TMEM135: variants seen among roughly 807,000 people sequenced by gnomAD.
The protein encoded by TMEM135 is transmembrane protein 135.
TMEM135 carries 30 observed loss-of-function variants against 60.3 expected under a neutral mutation model. The ratio of observed to expected loss-of-function variants is 0.50; its 90% confidence interval spans 0.37 to 0.68. The LOEUF is 0.68. Ranked by LOEUF, TMEM135 falls within the 30% of genes least tolerant of loss-of-function variation. TMEM135 has a pLI of 0.00. For synonymous variants in TMEM135, 190 were observed against 186.7 expected (o/e 1.02, Z -0.14); for missense variants, 468 against 548.8 (o/e 0.85, Z 1.47).
chr11:87,158,909 T>G (rs1194415881), intron 5 of TMEM135, among the ~76,000 whole-genome samples: 1 of 152,204 alleles, frequency 6.6e-6, no homozygotes, highest in East Asian at 1.9e-4. Flanking sequence ...AATCTGCCTA[T>G]GATGTCTAAA....
chr11:87,038,640 G>C (rs79335798), intron 1 of TMEM135, among the ~76,000 whole-genome samples: 12,757 of 137,830 alleles, frequency 0.093, 658 homozygotes, highest in Non-Finnish European at 0.1. Context: ...AATGAAGAAG[G>C]CATATTTGGC....
chr11:87,210,443 C>T (rs761832157), intron 5 of TMEM135, among the ~76,000 whole-genome samples: 8 of 152,112 alleles, frequency 5.3e-5, no homozygotes, highest in Admixed American at 3.9e-4. Flanking sequence ...GGAAACACAA[C>T]GCCTCCCAAG....
intron 5 of TMEM135, among the ~76,000 whole-genome samples, chr11:87,191,531 A>G (rs1236266869): frequency 6.6e-6 from 1 of 152,014 alleles, no homozygotes; most frequent in African/African-American, 2.4e-5. Flanking sequence ...GTGAGCCACC[A>G]TTCTATTCAT....
intron 6 of TMEM135, among the ~76,000 whole-genome samples, chr11:87,239,863 G>A (rs1374512596): frequency 6.6e-6 from 1 of 151,876 alleles, no homozygotes; most frequent in Non-Finnish European, 1.5e-5. Context: ...ACACGTTTTT[G>A]ATATTGAAAA....
In TMEM135 at chr11:87,327,903, T is replaced by A; in HGVS notation, c.*6570T>A. 1 of 454,016 alleles carries A rather than the reference T, an allele frequency of 2.2e-6. No individual in the cohort carries two copies. The highest frequency in any genetic ancestry group is 4.4e-6 in the Non-Finnish European group (1 of 226,754). The allele number at this position is 454,016 out of a possible 1,614,324, so 28.1% of individuals were successfully genotyped here. A position where few individuals can be genotyped will look rare whatever the true frequency, so the allele number is the denominator to read the frequency against. On this transcript the variant is annotated 3_prime_UTR_variant, in exon 15 of 15. Transcript: ENST00000305494. ...AGAAGCCAATTCTCCTTTCTTCTGT[T>A]TTTATTCTACCCAGGCCTCCAGTGG...
At chr11:87,206,623 CACTT>C (rs1940240500) in intron 5 of TMEM135, among the ~76,000 whole-genome samples, 1 of 152,102 alleles carries the variant, frequency 6.6e-6, no homozygotes, top group African/African-American at 2.4e-5. Flanking sequence ...ACAACACAAA[CACTT>C]AATGTTAGTT....
rs1290084551 is a variant in TMEM135 at position 87,252,771 on chromosome 11, CAA to C, written c.509+16101_509+16102del. ...GGGCAACAAGAGCAGAACTAAATCT[CAA>C]AAAAAAAAAAAAATTAAAATATATA... On this transcript the variant is annotated intron_variant, in intron 6 of 14. Coordinates refer to ENST00000305494, the MANE Select transcript of TMEM135 (RefSeq NM_022918.4). 6.5e-4 allele frequency among the ~76,000 whole-genome samples: 64 copies of C among 98,284 alleles called. No individual in the cohort carries two copies. In the East Asian group the frequency reaches 0.011, roughly 17 times the overall value. 64.5% of individuals were successfully genotyped at this position (98,284 alleles called of 152,430 possible). A position where few individuals can be genotyped will look rare whatever the true frequency, so the allele number is the denominator to read the frequency against.
chr11:87,249,248 A>G (rs924146132), intron 6 of TMEM135, among the ~76,000 whole-genome samples: 2 of 152,130 alleles, frequency 1.3e-5, no homozygotes, highest in Non-Finnish European at 2.9e-5. Context: ...GACTGCTATT[A>G]TGTGGAAGTA....
chr11:87,127,344 A>G (rs1937762509), intron 4 of TMEM135, among the ~76,000 whole-genome samples: 1 of 152,196 alleles, frequency 6.6e-6, no homozygotes, highest in African/African-American at 2.4e-5. Context: ...CATGGGTGCC[A>G]GCCACACAGT....
chr11:87,110,023 C>CT (rs1857702767), intron 4 of TMEM135, among the ~76,000 whole-genome samples: 1 of 151,954 alleles, frequency 6.6e-6, no homozygotes, highest in African/African-American at 2.4e-5. Flanking sequence ...TACTGCCTGG[C>CT]TTTTTTATGT....
At chr11:87,108,368 T>C (rs963861259) in intron 4 of TMEM135, among the ~76,000 whole-genome samples, 3 of 152,148 alleles carry the variant, frequency 2.0e-5, no homozygotes, top group African/African-American at 7.2e-5. Context: ...ATTGCCTAGG[T>C]TTTCTTCTAG....
At chr11:87,203,779 AC>A (rs1247590095) in intron 5 of TMEM135, among the ~76,000 whole-genome samples, 1 of 152,206 alleles carries the variant, frequency 6.6e-6, no homozygotes, top group Admixed American at 6.5e-5. Context: ...GTAAGAAACC[AC>A]CAAACTGTCT....
intron 5 of TMEM135, among the ~76,000 whole-genome samples, chr11:87,200,864 G>A (rs1474317203): frequency 6.6e-6 from 1 of 152,086 alleles, no homozygotes; most frequent in Admixed American, 6.6e-5. Flanking sequence ...AGATGTAAAT[G>A]TATGGTATGT....
At chr11:87,040,073 T>C (rs1304576116) in intron 1 of TMEM135, among the ~76,000 whole-genome samples, 2 of 152,236 alleles carry the variant, frequency 1.3e-5, no homozygotes, top group Non-Finnish European at 2.9e-5. Flanking sequence ...ATCTGTGTAT[T>C]TGAAAATTTT....
intron 4 of TMEM135, among the ~76,000 whole-genome samples, chr11:87,128,979 A>G (rs532301664): frequency 1.3e-5 from 2 of 150,054 alleles, no homozygotes; most frequent in East Asian, 2.0e-4. Flanking sequence ...GCTGTTCCCT[A>G]TTTGGAAATT....
chr11:87,250,728 T>C (rs1941398225), intron 6 of TMEM135, among the ~76,000 whole-genome samples: 1 of 152,176 alleles, frequency 6.6e-6, no homozygotes, highest in African/African-American at 2.4e-5. Flanking sequence ...TGCTTAAAAA[T>C]ACATAAGAAC....
intron 1 of TMEM135, among the ~76,000 whole-genome samples, chr11:87,043,529 T>C (rs1048850824): frequency 2.6e-5 from 4 of 151,582 alleles, no homozygotes; most frequent in Non-Finnish European, 4.4e-5. Flanking sequence ...ATGGAGACCA[T>C]CCTGGCCAAC....
intron 8 of TMEM135, 132 bp from the exon 9 acceptor site, chr11:87,305,804 T>TAAATAAATAAATAAATAAATAAATAAAG: frequency 2.4e-6 from 1 of 412,398 alleles, no homozygotes; most frequent in Non-Finnish European, 4.3e-6. Flanking sequence ...AATAAATAAA[T>TAAATAAATAAATAAATAAATAAATAAAG]AAAGTGATGT....
chr11:87,311,024 CTTTA>C (rs1942632108), intron 10 of TMEM135, among the ~76,000 whole-genome samples: 1 of 150,960 alleles, frequency 6.6e-6, no homozygotes, highest in Non-Finnish European at 1.5e-5. Flanking sequence ...TTTATTCATA[CTTTA>C]TTTCTTTGAC....
Sources: gnomAD v4.1 joint callset for allele counts (sites outside exome capture counted in the v4.1 genomes callset) on GRCh38, gnomAD v4.1.1 for gene constraint, MANE v1.5 for transcripts, NCBI Gene and HGNC (gene_info 2026-07-23, HGNC 2026-07-21) for gene names.